NKAIN2: variants seen among roughly 807,000 people sequenced by gnomAD.
NKAIN2 encodes sodium/potassium transporting ATPase interacting 2.
A neutral mutation model predicts 32.6 loss-of-function variants in NKAIN2; 14 were observed. That is an observed-to-expected ratio of 0.43 (90% CI 0.28 to 0.67). The LOEUF is 0.67. NKAIN2 is among the 30% of genes least tolerant of loss of function. The pLI is 0.17. For missense variants in NKAIN2, 198 were observed against 258.3 expected (o/e 0.77, Z 1.60); for synonymous variants, 80 against 87.2 (o/e 0.92, Z 0.46).
intron 1 of NKAIN2, among the ~76,000 whole-genome samples, chr6:123,814,885 T>G (rs1408821953): frequency 6.6e-6 from 1 of 152,200 alleles, no homozygotes; most frequent in Non-Finnish European, 1.5e-5. Context: ...GGAAAACATT[T>G]GCCTGGAATG....
intron 4 of NKAIN2, among the ~76,000 whole-genome samples, chr6:124,747,603 A>T (rs1777504345): frequency 6.6e-6 from 1 of 151,788 alleles, no homozygotes; most frequent in Non-Finnish European, 1.5e-5. Context: ...GAAGAAGAAA[A>T]CTTGCTTAGC....
intron 4 of NKAIN2, among the ~76,000 whole-genome samples, chr6:124,790,735 C>T (rs776100786): frequency 2.0e-5 from 3 of 152,002 alleles, no homozygotes; most frequent in Non-Finnish European, 4.4e-5. Flanking sequence ...TCAGAAAAGA[C>T]GATGCGACGT....
At chr6:124,150,335 A>C (rs578067635) in intron 1 of NKAIN2, among the ~76,000 whole-genome samples, 7 of 152,192 alleles carry the variant, frequency 4.6e-5, no homozygotes, top group Non-Finnish European at 8.8e-5. Flanking sequence ...ATTGAAAAGA[A>C]AGTCTCCTTC....
intron 5 of NKAIN2, among the ~76,000 whole-genome samples, chr6:124,805,968 T>G (rs1432231274): frequency 6.6e-6 from 1 of 152,144 alleles, no homozygotes; most frequent in Non-Finnish European, 1.5e-5. Context: ...GAACAAAGCC[T>G]CCAAGAAATA....
At chr6:124,635,090 GAGAA>G (rs1323828363) in intron 3 of NKAIN2, among the ~76,000 whole-genome samples, 1 of 147,570 alleles carries the variant, frequency 6.8e-6, no homozygotes, top group African/African-American at 2.5e-5. Context: ...AAGAAAGAAA[GAGAA>G]AGAAAGAGAA....
intron 4 of NKAIN2, among the ~76,000 whole-genome samples, chr6:124,751,736 TAGG>T (rs923462936): frequency 3.3e-5 from 5 of 151,536 alleles, no homozygotes; most frequent in African/African-American, 1.2e-4. Context: ...CCTAACACTT[TAGG>T]AGGCTAAGGC....
chr6:124,646,739 C>T (rs992295038), intron 3 of NKAIN2, among the ~76,000 whole-genome samples: 2 of 151,878 alleles, frequency 1.3e-5, no homozygotes, highest in Admixed American at 6.6e-5. Context: ...TCACTTGAGG[C>T]CAGGAGTTTG....
At chr6:124,807,843 A>T (rs972979084) in intron 5 of NKAIN2, among the ~76,000 whole-genome samples, 2 of 150,858 alleles carry the variant, frequency 1.3e-5, no homozygotes, top group South Asian at 2.2e-4. Flanking sequence ...CCGTCAGAGA[A>T]TACTACAAAC....
intron 1 of NKAIN2, among the ~76,000 whole-genome samples, chr6:124,106,933 C>T (rs1380717114): frequency 6.6e-6 from 1 of 152,056 alleles, no homozygotes; most frequent in Non-Finnish European, 1.5e-5. Flanking sequence ...AAAACATATA[C>T]CATATTAGAG....
At chr6:124,257,927 C>T (rs916458535) in intron 1 of NKAIN2, among the ~76,000 whole-genome samples, 23 of 151,454 alleles carry the variant, frequency 1.5e-4, no homozygotes, top group Admixed American at 1.1e-3. Flanking sequence ...TACAGGCACC[C>T]GCCACCAGCC....
chr6:124,693,810 T>C (rs868288670), intron 4 of NKAIN2, among the ~76,000 whole-genome samples: 3 of 152,168 alleles, frequency 2.0e-5, no homozygotes, highest in South Asian at 4.1e-4. Context: ...CACTGTTCTT[T>C]ACATCTCCAG....
At chr6:124,024,068 G>A (rs1226827378) in intron 1 of NKAIN2, among the ~76,000 whole-genome samples, 2 of 152,062 alleles carry the variant, frequency 1.3e-5, no homozygotes, top group African/African-American at 2.4e-5. Context: ...TTAAAAAAAT[G>A]GGAAAGATGG....
chr6:124,006,551 A>G (rs920286769), intron 1 of NKAIN2, among the ~76,000 whole-genome samples: 7 of 152,222 alleles, frequency 4.6e-5, no homozygotes, highest in Non-Finnish European at 7.3e-5. Flanking sequence ...CAAAATGACT[A>G]CATGAGAACA....
intron 1 of NKAIN2, among the ~76,000 whole-genome samples, chr6:124,197,758 T>C (rs565173292): frequency 6.6e-6 from 1 of 151,758 alleles, no homozygotes; most frequent in South Asian, 2.1e-4. Flanking sequence ...ATCAATCTCC[T>C]CTCTTACTAC....
chr6:123,963,528 T>C (rs1777944792), intron 1 of NKAIN2, among the ~76,000 whole-genome samples: 1 of 152,158 alleles, frequency 6.6e-6, no homozygotes, highest in Non-Finnish European at 1.5e-5. Flanking sequence ...CTAACATCTC[T>C]CAATTATAAA....
At chr6:123,902,229 G>A (rs982456537) in intron 1 of NKAIN2, among the ~76,000 whole-genome samples, 2 of 152,068 alleles carry the variant, frequency 1.3e-5, no homozygotes, top group South Asian at 2.1e-4. Flanking sequence ...TTTTGGAATC[G>A]GTATGACTAC....
intron 2 of NKAIN2, among the ~76,000 whole-genome samples, chr6:124,323,693 T>C (rs1797288244): frequency 6.6e-6 from 1 of 152,104 alleles, no homozygotes; most frequent in African/African-American, 2.4e-5. Context: ...TTACAATGGC[T>C]ATATATTAAA....
chr6:124,336,686 T>G (rs1797884140), intron 2 of NKAIN2, among the ~76,000 whole-genome samples: 1 of 150,308 alleles, frequency 6.7e-6, no homozygotes, highest in African/African-American at 2.4e-5. Context: ...TTGTTTGTTT[T>G]TTTTTTGAGA....
intron 3 of NKAIN2, among the ~76,000 whole-genome samples, chr6:124,496,171 A>C (rs9388339): frequency 0.82 from 125,019 of 152,106 alleles, 51,474 homozygotes; most frequent in South Asian, 0.87. Context: ...GTCAGTTGTG[A>C]ATAACCCTCA....
Sources: allele counts gnomAD v4.1 joint callset (sites outside exome capture counted in the v4.1 genomes callset), GRCh38; gene constraint gnomAD v4.1.1; transcripts MANE v1.5; gene names NCBI Gene and HGNC (gene_info 2026-07-23, HGNC 2026-07-21).